The following CDR2 variants were observed in gnomAD, a reference collection of about 807,000 sequenced individuals.
CDR2 encodes cerebellar degeneration-related protein 2.
Under a neutral mutation model 48.4 loss-of-function variants are expected in CDR2, and 34 were observed. The observed-to-expected ratio is 0.70, with a 90% CI of 0.53 to 0.94. The LOEUF (loss-of-function observed/expected upper bound fraction) is 0.94, where lower values mean the gene tolerates loss of function less well. Ranked by LOEUF, CDR2 falls within the 40% of genes least tolerant of loss-of-function variation. The pLI is 0.00. For missense variants in CDR2, 498 were observed against 549.5 expected, an observed-to-expected ratio of 0.91 and a Z score of 0.94; for synonymous variants, 240 against 219.7, an observed-to-expected ratio of 1.09 and a Z score of -0.82.
At chr16:22,368,190 A>G (rs2049054922) in intron 1 of CDR2, among the ~76,000 whole-genome samples, 1 of 152,180 alleles carries the variant, frequency 6.6e-6, no homozygotes, top group Non-Finnish European at 1.5e-5. Flanking sequence ...AAGAGACATT[A>G]GTCTTTTTCT....
rs760057914 is a variant in CDR2 at position 22,347,594 on chromosome 16, G to A, written c.736C>T (p.Arg246Trp). The A allele has an allele frequency of 1.1e-5, 18 of 1,614,002 alleles. No individual in the cohort carries two copies. In the South Asian group the frequency reaches 1.2e-4, roughly 11 times the overall value. The change falls in exon 5 of 5, where the codon CGG becomes TGG. Residue 246 changes from arginine (R) to tryptophan (W), a missense_variant. Transcript: ENST00000268383. ...QLGATGAYRA[R>W]ALELEAEVAE... ...ACCTCGGCCTCTAGTTCCAGCGCCC[G>A]TGCTCGGTAGGCACCTGTGGCCCCC...
chr16:22,359,188 C>T (rs979922440), intron 2 of CDR2, among the ~76,000 whole-genome samples: 1 of 151,886 alleles, frequency 6.6e-6, no homozygotes. Context: ...ACTGCAGTGG[C>T]GCAATCTTGG....
intron 2 of CDR2, among the ~76,000 whole-genome samples, chr16:22,352,336 A>G (rs1479095176): frequency 6.6e-6 from 1 of 151,860 alleles, no homozygotes; most frequent in Non-Finnish European, 1.5e-5. Context: ...ATGACACTCA[A>G]CGGGCCCTTA....
rs1468848490 is a variant in CDR2, at chr16:22,346,836, G to T, written c.*129C>A. 2.0e-6 allele frequency: 2 copies of T among 1,015,676 alleles called. No individual in the cohort carries two copies. The highest frequency in any genetic ancestry group is 2.9e-6 in the Non-Finnish European group (2 of 680,498). The allele number at this position is 1,015,676 out of a possible 1,614,324, so 62.9% of individuals were successfully genotyped here. ...CCTCCTTTCCTCGTTGTATGCATTT[G>T]CTAAATAAGCAAAGCAATGAGGCAA... On this transcript the variant is annotated 3_prime_UTR_variant, in exon 5 of 5. Transcript: ENST00000268383.
At chr16:22,374,035 G>A (rs1421708247) in intron 1 of CDR2, among the ~76,000 whole-genome samples, 196 bp downstream of exon 1, 1 of 152,248 alleles carries the variant, frequency 6.6e-6, no homozygotes, top group Non-Finnish European at 1.5e-5. Flanking sequence ...CTGCGCATTA[G>A]CAAGGCCGTG....
At chr16:22,366,615 G>C (rs1290930226) in intron 1 of CDR2, among the ~76,000 whole-genome samples, 2 of 152,148 alleles carry the variant, frequency 1.3e-5, no homozygotes, top group Non-Finnish European at 2.9e-5. Context: ...AGGAGGCTGA[G>C]GAGGGTGGAG....
At chr16:22,364,148 G>A (rs1048921575) in intron 2 of CDR2, among the ~76,000 whole-genome samples, 4 of 151,902 alleles carry the variant, frequency 2.6e-5, no homozygotes, top group African/African-American at 9.7e-5. Context: ...TTACCACGTT[G>A]CCCAGGCTGG....
chr16:22,374,391 G>A lies in CDR2; in HGVS notation c.-82C>T. 1.1e-6 allele frequency: 1 copy of A among 896,180 alleles called. No individual in the cohort carries two copies. Among genetic ancestry groups the A allele is most frequent in the Non-Finnish European group, 1.6e-6 (1 of 609,946 alleles). The allele number at this position is 896,180 out of a possible 1,614,324, so 55.5% of individuals were successfully genotyped here. A position where few individuals can be genotyped will look rare whatever the true frequency, so the allele number is the denominator to read the frequency against. On this transcript the variant is annotated 5_prime_UTR_variant, in exon 1 of 5. Transcript: ENST00000268383. The stretch of plus-strand genomic sequence containing the variant: ...CCCCGGGCTCTTCCCCGGCCCCTCC[G>A]CCCTCAGCCAGAGCCGCCCTCGGGC...
rs2048910604 is a variant in CDR2 at position 22,347,107 on chromosome 16, A to G, written c.1223T>C (p.Val408Ala). Residue 408 changes from valine to alanine, a missense_variant, in exon 5 of 5, where the codon GTC becomes GCC. Val to Ala is a moderately conservative substitution (Grantham distance 64). Coordinates refer to ENST00000268383, the MANE Select transcript of CDR2 (RefSeq NM_001802.2). ...PVASGWELAS[V>A]NPEPVSSPTT... The stretch of plus-strand genomic sequence containing the variant: ...AGGGGAACTCACGGGCTCTGGGTTG[A>G]CAGAGGCCAGTTCCCAGCCGCTGGC... 2 of 1,614,158 alleles carry G rather than the reference A, an allele frequency of 1.2e-6. No individual in the cohort carries two copies. The highest frequency in any genetic ancestry group is 1.7e-6 in the Non-Finnish European group (2 of 1,180,002).
intron 2 of CDR2, among the ~76,000 whole-genome samples, chr16:22,362,321 CAG>C (rs1291012748): frequency 9.8e-5 from 15 of 152,290 alleles, no homozygotes; most frequent in Admixed American, 2.6e-4. Context: ...TAGAGAATCT[CAG>C]ATATCTTTGG....
rs376225531 is a variant in CDR2, at chr16:22,374,273, T to C, written c.37A>G (p.Lys13Glu). The change falls in exon 1 of 5, where the codon AAG becomes GAG. Residue 13 changes from lysine to glutamate, a missense_variant. Transcript: ENST00000268383. ...AENLVEEFEM[K>E]EDEPWYDHQD... ...TGGTCGTACCACGGCTCGTCCTCCT[T>C]CATCTCAAACTCCTCTACCAGGTTT... The C allele has an allele frequency of 5.2e-5, 84 of 1,603,074 alleles. No homozygotes were observed. Among genetic ancestry groups the C allele is most frequent in the Admixed American group, 3.9e-4 (23 of 59,212 alleles).
At position 22,356,190 on chromosome 16, in the gene CDR2, T is replaced by C. The variant is rs528551305; in HGVS notation, c.193-6341A>G. Among the ~76,000 whole-genome samples the C allele has an allele frequency of 9.8e-5, 15 of 152,364 alleles. No homozygotes were observed. The East Asian group carries it at 2.7e-3, about 27-fold the overall frequency. On this transcript the variant is annotated intron_variant, in intron 2 of 4. Transcript: ENST00000268383. Reference sequence around the variant, plus strand: ...ATTTCATTCTAACAGGTTTCCTTTGTAATTCAATGAATTTTAAGAGGATTA... The same window carrying C: ...ATTTCATTCTAACAGGTTTCCTTTGCAATTCAATGAATTTTAAGAGGATTA...
chr16:22,351,343 TAGC>T (rs1225678113), intron 2 of CDR2, among the ~76,000 whole-genome samples: 1 of 152,214 alleles, frequency 6.6e-6, no homozygotes, highest in Non-Finnish European at 1.5e-5. Flanking sequence ...TGCGTCTTTA[TAGC>T]AGCATGATTT....
intron 1 of CDR2, 54 bp downstream of exon 1, chr16:22,374,177 C>T: frequency 8.5e-7 from 1 of 1,177,396 alleles, no homozygotes; most frequent in Non-Finnish European, 1.2e-6. Flanking sequence ...AGTTTCGCAG[C>T]GGGGGCCTCC....
chr16:22,362,105 G>A (rs1415846563), intron 2 of CDR2, among the ~76,000 whole-genome samples: 2 of 151,992 alleles, frequency 1.3e-5, no homozygotes, highest in East Asian at 1.9e-4. Context: ...GTTTCACCAC[G>A]TTAGCCAGGA....
At chr16:22,350,252 C>T (rs994873491) in intron 2 of CDR2, among the ~76,000 whole-genome samples, 5 of 152,166 alleles carry the variant, frequency 3.3e-5, no homozygotes, top group Admixed American at 6.5e-5. Flanking sequence ...ATTGTCAGCA[C>T]CAACTCTTGT....
At chr16:22,347,918 G>C in intron 4 of CDR2, 95 bp from the exon 5 acceptor site, 1 of 1,246,342 alleles carries the variant, frequency 8.0e-7, no homozygotes, top group Non-Finnish European at 1.1e-6. Flanking sequence ...ATAAATTTGA[G>C]GAGCTGTGAC....
chr16:22,373,641 G>C (rs1185838850), intron 1 of CDR2, among the ~76,000 whole-genome samples: 3 of 152,226 alleles, frequency 2.0e-5, no homozygotes, highest in Non-Finnish European at 4.4e-5. Context: ...TCTCCATCAC[G>C]TGCTTATTTC....
chr16:22,370,940 C>A (rs55750905), intron 1 of CDR2, among the ~76,000 whole-genome samples: 2 of 152,174 alleles, frequency 1.3e-5, no homozygotes, highest in Non-Finnish European at 2.9e-5. Flanking sequence ...CAGCCAGGTG[C>A]GGTGGTTCAC....
Sources: allele counts gnomAD v4.1 joint callset (sites outside exome capture counted in the v4.1 genomes callset), GRCh38; gene constraint gnomAD v4.1.1; transcripts MANE v1.5; gene names NCBI Gene and HGNC (gene_info 2026-07-23, HGNC 2026-07-21).